Variants in E2F7 observed in about 807,000 individuals in gnomAD.
E2F7 encodes the protein transcription factor E2F7.
E2F7 carries 35 observed loss-of-function variants against 81.1 expected under a neutral mutation model. That is an observed-to-expected ratio of 0.43 (90% CI 0.33 to 0.57). E2F7 has a LOEUF of 0.57. Ranked by LOEUF, E2F7 falls within the 20% of genes least tolerant of loss-of-function variation. The pLI is 0.04. For synonymous variants in E2F7, 416 were observed against 416.2 expected (o/e 1.00, Z 0.01); for missense variants, 961 against 1,093.7 (o/e 0.88, Z 1.71).
intron 2 of E2F7, among the ~76,000 whole-genome samples, chr12:77,059,908 A>G (rs1292616336): frequency 6.9e-6 from 1 of 143,960 alleles, no homozygotes; most frequent in East Asian, 2.3e-4. Context: ...GCTTGCAGTG[A>G]GCTGAGATCA....
At chr12:77,042,225 G>C (rs1366047327) in intron 7 of E2F7, among the ~76,000 whole-genome samples, 1 of 152,172 alleles carries the variant, frequency 6.6e-6, no homozygotes, top group Non-Finnish European at 1.5e-5. Context: ...TTGGCACACA[G>C]TCCACACTCA....
chr12:77,035,702 T>C (rs1954843386), intron 7 of E2F7, among the ~76,000 whole-genome samples: 1 of 152,118 alleles, frequency 6.6e-6, no homozygotes, highest in Non-Finnish European at 1.5e-5. Flanking sequence ...GGTATACAAC[T>C]GAAAATATTA....
chr12:77,057,948 T>C (rs942931884), intron 2 of E2F7, among the ~76,000 whole-genome samples: 10 of 152,192 alleles, frequency 6.6e-5, no homozygotes, highest in Non-Finnish European at 1.3e-4. Flanking sequence ...TTCCTATAAA[T>C]GAGCAACGTG....
rs1954772838 is a variant in E2F7, at chr12:77,027,958, C to T, written c.2065G>A (p.Glu689Lys). The T allele has an allele frequency of 1.9e-6, 3 of 1,614,198 alleles. No homozygotes were observed. The highest frequency in any genetic ancestry group is 2.5e-6 in the Non-Finnish European group (3 of 1,180,026). The stretch of plus-strand genomic sequence containing the variant: ...CTTTCATTTTCTTTTGAAGGCTTTT[C>T]AACATCTGTATTTCTTGAAGGATTT... Reference protein sequence around the residue: ...WGNPSRNTDVEKPSKENESTK... With the variant: ...WGNPSRNTDVKKPSKENESTK... Residue 689 changes from glutamate (E) to lysine (K), a missense_variant, in exon 11 of 13, where the codon GAA becomes AAA. Physicochemically the swap from Glu to Lys is moderately conservative, Grantham distance 56. Coordinates refer to ENST00000322886, the MANE Select transcript of E2F7 (RefSeq NM_203394.3).
At chr12:77,035,627 G>T (rs1031860303) in intron 7 of E2F7, among the ~76,000 whole-genome samples, 1 of 152,154 alleles carries the variant, frequency 6.6e-6, no homozygotes, top group African/African-American at 2.4e-5. Context: ...CCAGAGCAAA[G>T]CTCAAGAACA....
intron 3 of E2F7, among the ~76,000 whole-genome samples, chr12:77,051,990 T>A (rs537471859): frequency 9.2e-5 from 14 of 152,340 alleles, no homozygotes; most frequent in African/African-American, 2.9e-4. Context: ...ATATGTTTTT[T>A]AAAGTCTGCT....
chr12:77,043,377 T>C (rs549337327), intron 6 of E2F7, among the ~76,000 whole-genome samples, 178 bp from the exon 7 acceptor site: 7 of 152,114 alleles, frequency 4.6e-5, no homozygotes, highest in Non-Finnish European at 8.8e-5. Context: ...ACCTGCAGTA[T>C]CTGAAGGCTA....
intron 2 of E2F7, 77 bp downstream of exon 2, chr12:77,064,466 G>T: frequency 8.9e-7 from 1 of 1,119,362 alleles, no homozygotes; most frequent in Non-Finnish European, 1.3e-6. Flanking sequence ...AATACAAATG[G>T]CATGTTGGAA....
intron 2 of E2F7, among the ~76,000 whole-genome samples, chr12:77,056,514 A>C (rs1408682778): frequency 6.6e-6 from 1 of 152,232 alleles, no homozygotes; most frequent in African/African-American, 2.4e-5. Flanking sequence ...GTGAAGAGCA[A>C]CAATGCTTCT....
intron 3 of E2F7, 54 bp from the exon 4 acceptor site, chr12:77,050,798 G>A (rs2050064452): frequency 1.3e-6 from 2 of 1,580,180 alleles, no homozygotes; most frequent in Middle Eastern, 1.7e-4. Context: ...ACATCCTAAT[G>A]GAGAAATGGC....
At position 77,022,782 on chromosome 12, in the gene E2F7, C is replaced by T. The variant is rs1954723813; in HGVS notation, c.*1233G>A. 2 of 152,106 alleles carry T rather than the reference C, an allele frequency of 1.3e-5. No homozygotes were observed. The highest frequency in any genetic ancestry group is 2.9e-5 in the Non-Finnish European group (2 of 67,984). The allele number at this position is 152,106 out of a possible 1,614,324, so 9.4% of individuals were successfully genotyped here. On this transcript the variant is annotated 3_prime_UTR_variant, in exon 13 of 13. Transcript: ENST00000322886. Reference sequence around the variant, plus strand: ...TATAGTTTGGCGACTTAATGCACCCCTAAAGTAATGTGGGTTAAAAAAGGG... The same window carrying T: ...TATAGTTTGGCGACTTAATGCACCCTTAAAGTAATGTGGGTTAAAAAAGGG...
In E2F7 at chr12:77,024,152, G is replaced by A. The variant is rs1056535721; in HGVS notation, c.2599C>T (p.Arg867Cys). ...PVPVTPKSIQRTHRETFFKTP... is the reference protein window; with the variant it reads ...PVPVTPKSIQCTHRETFFKTP... ...TTGAAAAACGTCTCACGATGTGTGC[G>A]TTGGATGCTCTTGGGGGTCACTGGA... Residue 867 changes from arginine to cysteine, a missense_variant, in exon 13 of 13, where the codon CGC becomes TGC. Physicochemically the swap from Arg to Cys is radical, Grantham distance 180. Around this residue, in one of 3 missense-constraint regions of E2F7, gnomAD observed 587 missense variants for 620.3 expected, o/e 0.95. Transcript: ENST00000322886. 5 of 1,614,036 alleles carry A rather than the reference G, an allele frequency of 3.1e-6. No homozygotes were observed. The highest frequency in any genetic ancestry group is 2.2e-5 in the East Asian group (1 of 44,880).
intron 11 of E2F7, 127 bp downstream of exon 11, chr12:77,027,756 C>A (rs1055738424): frequency 5.1e-5 from 66 of 1,296,896 alleles, no homozygotes; most frequent in Admixed American, 2.5e-4. Context: ...AACAAAGGGG[C>A]TAAGAGTAAA....
chr12:77,054,137 C>G (rs1381640894), intron 3 of E2F7, among the ~76,000 whole-genome samples: 3 of 152,010 alleles, frequency 2.0e-5, no homozygotes, highest in Admixed American at 2.0e-4. Context: ...TGCTGATTAC[C>G]TGGGTGACCA....
At chr12:77,046,660 G>C (rs952040999) in intron 4 of E2F7, among the ~76,000 whole-genome samples, 12 of 152,130 alleles carry the variant, frequency 7.9e-5, no homozygotes, top group African/African-American at 2.9e-4. Context: ...GAAACTGGTG[G>C]CCTGAGCAAT....
rs1178857785 is a variant in E2F7 at position 77,025,903 on chromosome 12, A to C, written c.2220T>G (p.Ser740=). 1 of 1,614,034 alleles carries C rather than the reference A, an allele frequency of 6.2e-7. No individual in the cohort carries two copies. Among genetic ancestry groups the C allele is most frequent in the African/African-American group, 1.3e-5 (1 of 74,916 alleles). ...TVGPSSGQLP[S]FSVPCMVLPS... is the part of the protein sequence containing the mutation. The stretch of plus-strand genomic sequence containing the variant: ...GTAAGACCATGCAAGGGACACTGAA[A>C]GACGGCAGCTGACCTGAGGACGGGC... The change falls in exon 12 of 13, where the codon TCT becomes TCG. Residue 740 remains serine (S), a synonymous_variant. Coordinates refer to ENST00000322886, the MANE Select transcript of E2F7 (RefSeq NM_203394.3).
intron 7 of E2F7, among the ~76,000 whole-genome samples, chr12:77,037,880 T>A (rs1954864630): frequency 6.6e-6 from 1 of 152,022 alleles, no homozygotes; most frequent in South Asian, 2.1e-4. Flanking sequence ...AGATTAGATT[T>A]AAAAAAATTC....
At chr12:77,041,926 A>G (rs1954897804) in intron 7 of E2F7, among the ~76,000 whole-genome samples, 1 of 152,146 alleles carries the variant, frequency 6.6e-6, no homozygotes, top group African/African-American at 2.4e-5. Context: ...TAGGGCAGGG[A>G]CGACACCACC....
Position 77,033,072 on chromosome 12 carries a change from G to C in E2F7, c.1360C>G (p.Gln454Glu), listed in dbSNP as rs138346795. 5.6e-6 allele frequency: 9 copies of C among 1,613,560 alleles called. No homozygotes were observed. In the African/African-American group the frequency reaches 9.3e-5, roughly 17 times the overall value. Reference sequence around the variant, plus strand: ...TACTGTGAATTGTCTTCTATTTTCTGTCTATAGACAGCTGCCAGGCTTCCA... The same window carrying C: ...TACTGTGAATTGTCTTCTATTTTCTCTCTATAGACAGCTGCCAGGCTTCCA... ...EIGSLAAVYRQKIEDNSQGKA... is the reference protein window; with the variant it reads ...EIGSLAAVYREKIEDNSQGKA... Residue 454 changes from glutamine (Q) to glutamate (E), a missense_variant, in exon 9 of 13, where the codon CAG (glutamine) becomes GAG (glutamate). Gln to Glu is a conservative substitution (Grantham distance 29). Transcript: ENST00000322886.
Sources: gnomAD v4.1 joint callset for allele counts (sites outside exome capture counted in the v4.1 genomes callset) on GRCh38, gnomAD v4.1.1 for gene constraint, gnomAD v4.1.1 regional missense constraint, MANE v1.5 for transcripts, NCBI Gene and HGNC (gene_info 2026-07-23, HGNC 2026-07-21) for gene names.